Variants in COL25A1 observed in about 807,000 individuals in gnomAD.
COL25A1 encodes collagen alpha-1(XXV) chain.
COL25A1 carries 103 observed loss-of-function variants against 128.4 expected under a neutral mutation model. That is an observed-to-expected ratio of 0.80 (90% CI 0.68 to 0.94). The LOEUF (loss-of-function observed/expected upper bound fraction) is 0.94, where lower values mean the gene tolerates loss of function less well. Ranked by LOEUF, COL25A1 falls within the 40% of genes least tolerant of loss-of-function variation. The pLI is 0.00. For synonymous variants in COL25A1, 279 were observed against 277.2 expected (o/e 1.01, Z -0.06); for missense variants, 745 against 840.0 (o/e 0.89, Z 1.40).
At chr4:108,819,387 T>C in intron 35 of COL25A1, 58 bp from the exon 36 acceptor site, 1 of 1,409,504 alleles carries the variant, frequency 7.1e-7, no homozygotes, top group Non-Finnish European at 9.9e-7. Flanking sequence ...TAAGCACAAA[T>C]TCTGCGAAAG....
At chr4:109,046,117 C>T (rs1456080572) in intron 5 of COL25A1, among the ~76,000 whole-genome samples, 1 of 152,128 alleles carries the variant, frequency 6.6e-6, no homozygotes, top group African/African-American at 2.4e-5. Flanking sequence ...AGCTGTGCAA[C>T]CTTTGGTAAT....
intron 32 of COL25A1, among the ~76,000 whole-genome samples, chr4:108,829,370 T>C (rs1249855724): frequency 1.4e-5 from 2 of 147,794 alleles, no homozygotes; most frequent in African/African-American, 5.0e-5. Flanking sequence ...ACTAGTAAGG[T>C]GTGTATGTGT....
rs577961850 is a variant in COL25A1, at chr4:108,863,829, T to C, written c.1084-442A>G. Among the ~76,000 whole-genome samples the C allele has an allele frequency of 1.1e-4, 16 of 152,286 alleles. 1 individual carries two copies. The highest frequency in any genetic ancestry group is 1.0e-3 in the South Asian group (5 of 4,822). On this transcript the variant is annotated intron_variant, in intron 20 of 37. Coordinates refer to ENST00000399132, the MANE Select transcript of COL25A1 (RefSeq NM_198721.4). ...GTCCTTGGACATCAGAACTCCAGGT[T>C]CTCTGGCCTTTGGATTTTGGGACTT...
chr4:109,051,939 T>G (rs1161730312), intron 3 of COL25A1, among the ~76,000 whole-genome samples: 1 of 152,078 alleles, frequency 6.6e-6, no homozygotes, highest in Non-Finnish European at 1.5e-5. Context: ...AAAAAAAATG[T>G]TAGGAAATAC....
chr4:109,191,133 CA>C (rs1018575776), intron 3 of COL25A1, among the ~76,000 whole-genome samples: 4 of 152,114 alleles, frequency 2.6e-5, no homozygotes, highest in African/African-American at 9.7e-5. Flanking sequence ...ACACAGAAAG[CA>C]GGATTTTAAA....
intron 3 of COL25A1, among the ~76,000 whole-genome samples, chr4:109,109,924 T>C (rs558858193): frequency 3.3e-5 from 5 of 152,180 alleles, no homozygotes; most frequent in African/African-American, 4.8e-5. Flanking sequence ...TTATCTCACA[T>C]GTCATTGTTT....
intron 16 of COL25A1, among the ~76,000 whole-genome samples, chr4:108,893,752 A>G (rs1741806146): frequency 6.6e-6 from 1 of 152,214 alleles, no homozygotes; most frequent in African/African-American, 2.4e-5. Context: ...AGTTTCACAT[A>G]CTGAACACAA....
intron 2 of COL25A1, among the ~76,000 whole-genome samples, chr4:109,301,508 G>C (rs1041536095): frequency 6.6e-6 from 1 of 152,178 alleles, no homozygotes; most frequent in Non-Finnish European, 1.5e-5. Context: ...AAGAGAGAGT[G>C]AGGGAAGATT....
At chr4:109,078,677 TA>T (rs1313906266) in intron 3 of COL25A1, among the ~76,000 whole-genome samples, 1 of 152,214 alleles carries the variant, frequency 6.6e-6, no homozygotes. Flanking sequence ...AAGTTATTTC[TA>T]GGTGAAATGT....
At chr4:108,814,753 A>C (rs1731094552) in intron 37 of COL25A1, among the ~76,000 whole-genome samples, 1 of 152,184 alleles carries the variant, frequency 6.6e-6, no homozygotes, top group Non-Finnish European at 1.5e-5. Flanking sequence ...ATTAGGTTGT[A>C]GGGCACAGTG....
chr4:109,016,687 C>T (rs970028446), intron 5 of COL25A1, among the ~76,000 whole-genome samples: 3 of 152,142 alleles, frequency 2.0e-5, no homozygotes, highest in South Asian at 2.1e-4. Context: ...GCTGGACATT[C>T]GTCAGGATGA....
At chr4:109,253,803 T>C (rs577037562) in intron 3 of COL25A1, among the ~76,000 whole-genome samples, 39 of 152,128 alleles carry the variant, frequency 2.6e-4, no homozygotes, top group Non-Finnish European at 4.9e-4. Context: ...TTTTAAACAT[T>C]TAGGCCGGGC....
chr4:108,940,579 TCC>T lies in COL25A1; in HGVS notation c.630_631del (p.Asp211HisfsTer15). 1 of 1,613,616 alleles carries T rather than the reference TCC, an allele frequency of 6.2e-7. No individual in the cohort carries two copies. The highest frequency in any genetic ancestry group is 8.5e-7 in the Non-Finnish European group (1 of 1,179,724). On this transcript the variant is annotated frameshift_variant, in exon 10 of 38. Coordinates refer to ENST00000399132, the MANE Select transcript of COL25A1 (RefSeq NM_198721.4). LOFTEE classifies it high-confidence loss of function. ...TCCACGGGGGCCATCTTTCCCTGTG[TCC>T]CCAGGTGGCCCTCTTGGGCCTGGAG...
chr4:108,987,278 ACT>A (rs59693773), intron 6 of COL25A1, among the ~76,000 whole-genome samples: 2 of 151,574 alleles, frequency 1.3e-5, no homozygotes, highest in African/African-American at 4.8e-5. Context: ...CTGTCTTCTC[ACT>A]CTCTCTATCT....
intron 8 of COL25A1, among the ~76,000 whole-genome samples, chr4:108,968,943 A>C (rs1392569052): frequency 6.6e-6 from 1 of 152,110 alleles, no homozygotes; most frequent in African/African-American, 2.4e-5. Flanking sequence ...ACTGGCTTCA[A>C]GACTGGTCTT....
intron 8 of COL25A1, among the ~76,000 whole-genome samples, chr4:108,956,685 C>CA (rs1447911470): frequency 6.6e-6 from 1 of 152,204 alleles, no homozygotes; most frequent in Non-Finnish European, 1.5e-5. Flanking sequence ...GGATTACAGG[C>CA]ATGAGCCACC....
At chr4:108,961,890 A>T (rs1750751935) in intron 8 of COL25A1, among the ~76,000 whole-genome samples, 1 of 152,202 alleles carries the variant, frequency 6.6e-6, no homozygotes, top group African/African-American at 2.4e-5. Context: ...AAAGTAATAA[A>T]AATATGTTTG....
chr4:109,056,934 A>G (rs1238604591), intron 3 of COL25A1, among the ~76,000 whole-genome samples: 1 of 152,204 alleles, frequency 6.6e-6, no homozygotes, highest in Non-Finnish European at 1.5e-5. Context: ...ATAATAGCTC[A>G]CTGTAACCTC....
chr4:109,167,983 A>T (rs1773235659), intron 3 of COL25A1, among the ~76,000 whole-genome samples: 1 of 152,126 alleles, frequency 6.6e-6, no homozygotes, highest in African/African-American at 2.4e-5. Flanking sequence ...TCTGTAACCC[A>T]ATCAATTTGG....
Sources: gnomAD v4.1 joint callset for allele counts (sites outside exome capture counted in the v4.1 genomes callset) on GRCh38, gnomAD v4.1.1 for gene constraint, MANE v1.5 for transcripts, NCBI Gene and HGNC (gene_info 2026-07-23, HGNC 2026-07-21) for gene names.